Variants in ASIC2 observed in about 807,000 individuals in gnomAD.
The protein encoded by ASIC2 is acid-sensing ion channel 2.
In ASIC2, 25 loss-of-function variants were observed where a neutral mutation model predicts 57.3. The observed-to-expected ratio is 0.44, with a 90% CI of 0.32 to 0.61. The LOEUF (loss-of-function observed/expected upper bound fraction) is 0.61. ASIC2 is among the 20% of genes least tolerant of loss of function. The pLI is 0.06. For missense variants in ASIC2, 641 were observed against 738.1 expected, an observed-to-expected ratio of 0.87 and a Z score of 1.52; for synonymous variants, 319 against 307.5, an observed-to-expected ratio of 1.04 and a Z score of -0.39.
At chr17:33,449,241 G>T (rs796324992) in intron 1 of ASIC2, among the ~76,000 whole-genome samples, 17 of 152,156 alleles carry the variant, frequency 1.1e-4, no homozygotes, top group African/African-American at 4.1e-4. Flanking sequence ...TCCTGAGCTT[G>T]GTCTCATCAT....
chr17:33,299,941 A>G (rs192503503), intron 1 of ASIC2, among the ~76,000 whole-genome samples: 1 of 152,298 alleles, frequency 6.6e-6, no homozygotes, highest in African/African-American at 2.4e-5. Context: ...GCTGTAAATC[A>G]CACCGGTTGA....
intron 1 of ASIC2, among the ~76,000 whole-genome samples, chr17:33,669,109 T>C (rs1907568988): frequency 6.6e-6 from 1 of 152,208 alleles, no homozygotes; most frequent in Non-Finnish European, 1.5e-5. Flanking sequence ...CTATTTCTTT[T>C]GCACTTGGTT....
chr17:33,642,683 G>A (rs904845367), intron 1 of ASIC2, among the ~76,000 whole-genome samples: 3 of 152,170 alleles, frequency 2.0e-5, no homozygotes, highest in Non-Finnish European at 4.4e-5. Flanking sequence ...CTTTTGAATA[G>A]AGGCTCTGAG....
intron 1 of ASIC2, among the ~76,000 whole-genome samples, chr17:33,729,616 C>G (rs1459159132): frequency 6.6e-6 from 1 of 152,162 alleles, no homozygotes; most frequent in Admixed American, 6.5e-5. Context: ...TTTGGGGTCA[C>G]TTTCCAAACA....
At chr17:33,280,540 G>T (rs1413674640) in intron 1 of ASIC2, among the ~76,000 whole-genome samples, 3 of 152,180 alleles carry the variant, frequency 2.0e-5, no homozygotes, top group Non-Finnish European at 4.4e-5. Flanking sequence ...TAGAGGCTGG[G>T]CCTGACCCCC....
At chr17:33,891,412 T>C (rs1225853736) in intron 1 of ASIC2, among the ~76,000 whole-genome samples, 2 of 152,132 alleles carry the variant, frequency 1.3e-5, no homozygotes, top group Admixed American at 1.3e-4. Flanking sequence ...TAAATTATAC[T>C]TGGGCATGAG....
chr17:33,633,199 A>G (rs1414436002), intron 1 of ASIC2, among the ~76,000 whole-genome samples: 1 of 152,152 alleles, frequency 6.6e-6, no homozygotes, highest in Non-Finnish European at 1.5e-5. Flanking sequence ...CATCAACCCA[A>G]TGCCCATGAA....
intron 1 of ASIC2, among the ~76,000 whole-genome samples, chr17:33,180,966 T>A (rs1319168084): frequency 6.6e-6 from 1 of 152,102 alleles, no homozygotes; most frequent in Non-Finnish European, 1.5e-5. Flanking sequence ...ATTTTGATCA[T>A]CTCCTTCGGC....
chr17:33,798,581 A>G (rs1044412357), intron 1 of ASIC2, among the ~76,000 whole-genome samples: 1 of 152,052 alleles, frequency 6.6e-6, no homozygotes, highest in Non-Finnish European at 1.5e-5. Flanking sequence ...CTTGATGGGG[A>G]GTAGGGTTGG....
At chr17:33,020,808 G>A (rs181026411) in intron 7 of ASIC2, among the ~76,000 whole-genome samples, 116 of 152,162 alleles carry the variant, frequency 7.6e-4, no homozygotes, top group Non-Finnish European at 1.2e-3. Context: ...TCCCACCTTT[G>A]ACCACCCACA....
chr17:33,920,397 T>A (rs987316381), intron 1 of ASIC2, among the ~76,000 whole-genome samples: 2 of 152,192 alleles, frequency 1.3e-5, no homozygotes, highest in Non-Finnish European at 2.9e-5. Flanking sequence ...TGGAGTCATG[T>A]CCTTTGCAGC....
chr17:33,548,429 C>T (rs1915646864), intron 1 of ASIC2, among the ~76,000 whole-genome samples: 1 of 152,120 alleles, frequency 6.6e-6, no homozygotes, highest in South Asian at 2.1e-4. Context: ...TTGTTCCGCT[C>T]AGTGTTTAAT....
At chr17:33,895,890 C>G (rs758922841) in intron 1 of ASIC2, among the ~76,000 whole-genome samples, 1 of 152,298 alleles carries the variant, frequency 6.6e-6, no homozygotes, top group African/African-American at 2.4e-5. Context: ...TCACCACTTA[C>G]GGGGTGCATA....
chr17:33,065,710 G>C (rs1303782795), intron 3 of ASIC2, among the ~76,000 whole-genome samples: 2 of 152,130 alleles, frequency 1.3e-5, no homozygotes, highest in Non-Finnish European at 2.9e-5. Context: ...AGAGGTAAGG[G>C]AATGTGTCAT....
At chr17:33,573,590 G>A (rs775396470) in intron 1 of ASIC2, among the ~76,000 whole-genome samples, 24 of 152,070 alleles carry the variant, frequency 1.6e-4, no homozygotes, top group Non-Finnish European at 7.4e-5. Flanking sequence ...TTTCAAGACA[G>A]AGTCTTGCTC....
At chr17:33,072,171 C>T (rs1380029962) in intron 3 of ASIC2, among the ~76,000 whole-genome samples, 1 of 152,154 alleles carries the variant, frequency 6.6e-6, no homozygotes, top group African/African-American at 2.4e-5. Flanking sequence ...GGTCCCCCTC[C>T]CTGTGCAGGG....
chr17:33,132,853 CTT>C (rs1317779385), intron 1 of ASIC2, among the ~76,000 whole-genome samples: 7 of 152,208 alleles, frequency 4.6e-5, no homozygotes, highest in African/African-American at 1.7e-4. Context: ...TGGGAGATAA[CTT>C]TGTGTTGGCT....
intron 1 of ASIC2, among the ~76,000 whole-genome samples, chr17:34,104,195 T>C (rs967563400): frequency 1.3e-5 from 2 of 152,150 alleles, no homozygotes; most frequent in African/African-American, 4.8e-5. Context: ...TATCAAGCAT[T>C]TTACATTTTT....
intron 1 of ASIC2, among the ~76,000 whole-genome samples, chr17:33,136,291 T>G (rs531309649): frequency 5.8e-4 from 88 of 152,354 alleles, no homozygotes; most frequent in African/African-American, 2.0e-3. Flanking sequence ...GTTCTCAAGA[T>G]AGAGAAGGTT....
Sources: allele counts gnomAD v4.1 joint callset (sites outside exome capture counted in the v4.1 genomes callset), GRCh38; gene constraint gnomAD v4.1.1; transcripts MANE v1.5; gene names NCBI Gene and HGNC (gene_info 2026-07-23, HGNC 2026-07-21).